Variants in DYNC1LI1 observed in about 807,000 individuals in gnomAD.
The protein encoded by DYNC1LI1 is cytoplasmic dynein 1 light intermediate chain 1.
DYNC1LI1 carries 19 observed loss-of-function variants against 63.8 expected under a neutral mutation model. The ratio of observed to expected loss-of-function variants is 0.30; its 90% CI spans 0.21 to 0.44. The LOEUF (loss-of-function observed/expected upper bound fraction) is 0.44. Among genes scored for constraint, DYNC1LI1 ranks in the 20% least tolerant of loss-of-function variants. DYNC1LI1 has a pLI of 1.00. For synonymous variants in DYNC1LI1, 225 were observed against 232.3 expected (o/e 0.97, Z 0.28); for missense variants, 565 against 630.2 (o/e 0.90, Z 1.11).
chr3:32,528,112 C>CAAAAAAAAAAAAAAAAAAAAA (rs60912161), intron 12 of DYNC1LI1, among the ~76,000 whole-genome samples: 2 of 29,896 alleles, frequency 6.7e-5, no homozygotes, highest in African/African-American at 8.8e-5. Flanking sequence ...GACTCCATCT[C>CAAAAAAAAAAAAAAAAAAAAA]AAAAAAAAAA....
At chr3:32,555,459 T>C (rs1396880032) in intron 2 of DYNC1LI1, among the ~76,000 whole-genome samples, 2 of 152,258 alleles carry the variant, frequency 1.3e-5, no homozygotes, top group African/African-American at 4.8e-5. Flanking sequence ...ATCTGAGGTA[T>C]CTGCAAAGAT....
At chr3:32,555,767 GAA>G (rs1365253818) in intron 2 of DYNC1LI1, among the ~76,000 whole-genome samples, 1 of 152,124 alleles carries the variant, frequency 6.6e-6, no homozygotes, top group Non-Finnish European at 1.5e-5. Flanking sequence ...GTATTTAGAG[GAA>G]AAGTGTACTG....
At chr3:32,548,321 G>A (rs2125439395) in intron 2 of DYNC1LI1, among the ~76,000 whole-genome samples, 1 of 152,228 alleles carries the variant, frequency 6.6e-6, no homozygotes, top group African/African-American at 2.4e-5. Flanking sequence ...GGGGATCAAG[G>A]CTGCATGCTC....
intron 12 of DYNC1LI1, among the ~76,000 whole-genome samples, chr3:32,527,627 G>A (rs747142261): frequency 2.0e-5 from 3 of 151,812 alleles, no homozygotes; most frequent in Non-Finnish European, 4.4e-5. Flanking sequence ...TGTTTAAACC[G>A]AGTTACTACA....
intron 8 of DYNC1LI1, chr3:32,531,475 C>T (rs1350280554): frequency 6.6e-6 from 1 of 152,220 alleles, no homozygotes; most frequent in Non-Finnish European, 1.5e-5. Flanking sequence ...TAGCACTTAT[C>T]ACTACTTGAC....
chr3:32,545,165 C>A, intron 3 of DYNC1LI1, 59 bp from the exon 4 acceptor site: 2 of 1,105,272 alleles, frequency 1.8e-6, no homozygotes, highest in Non-Finnish European at 2.7e-6. Flanking sequence ...CATCATCCAA[C>A]TAACAGTACC....
intron 6 of DYNC1LI1, 73 bp from the exon 7 acceptor site, chr3:32,534,719 C>A: frequency 8.0e-7 from 1 of 1,247,094 alleles, no homozygotes; most frequent in Non-Finnish European, 1.1e-6. Context: ...GTGTTTTCAG[C>A]TTAACTTTTA....
chr3:32,538,214 T>G (rs111589263), intron 5 of DYNC1LI1, among the ~76,000 whole-genome samples: 10,744 of 138,882 alleles, frequency 0.077, 455 homozygotes, highest in South Asian at 0.12. Context: ...CTGGGCAACA[T>G]AGCAAAACTC....
At chr3:32,554,778 T>C (rs1698089473) in intron 2 of DYNC1LI1, among the ~76,000 whole-genome samples, 1 of 152,142 alleles carries the variant, frequency 6.6e-6, no homozygotes, top group African/African-American at 2.4e-5. Flanking sequence ...AAACAAAATC[T>C]TTCTGGGAGC....
intron 4 of DYNC1LI1, among the ~76,000 whole-genome samples, chr3:32,543,844 C>T (rs1031056930): frequency 1.3e-5 from 2 of 151,328 alleles, no homozygotes; most frequent in East Asian, 2.0e-4. Context: ...CAAGGTGGAT[C>T]GCTTGAGCTC....
In DYNC1LI1 at chr3:32,534,499, G is replaced by C. The variant is rs777939301; in HGVS notation, c.968+12C>G. On this transcript the variant is annotated intron_variant, in intron 7 of 12. Transcript: ENST00000273130. ...ATACATGATAAAATTATATATTTAAGAGTACACTTACATAAATACTGCATC... is the reference window on the plus strand; with the variant it reads ...ATACATGATAAAATTATATATTTAACAGTACACTTACATAAATACTGCATC... 6.5e-7 allele frequency: 1 copy of C among 1,541,310 alleles called. No individual in the cohort carries two copies. Among genetic ancestry groups the C allele is most frequent in the Non-Finnish European group, 8.8e-7 (1 of 1,130,840 alleles).
intron 2 of DYNC1LI1, among the ~76,000 whole-genome samples, chr3:32,567,478 T>C (rs980705680): frequency 3.3e-5 from 5 of 152,086 alleles, no homozygotes; most frequent in Admixed American, 6.6e-5. Context: ...TATTCTAGGT[T>C]GTTTCTGAAA....
At chr3:32,530,189 G>T in intron 10 of DYNC1LI1, 95 bp downstream of exon 10, 1 of 991,014 alleles carries the variant, frequency 1.0e-6, no homozygotes, top group Non-Finnish European at 1.5e-6. Flanking sequence ...TTATATCAAA[G>T]CACACCCATA....
chr3:32,566,789 AAAGT>A, intron 2 of DYNC1LI1: 1 of 383,138 alleles, frequency 2.6e-6, no homozygotes, highest in South Asian at 2.0e-5. Flanking sequence ...AATTGTATTA[AAAGT>A]AATTAAATAT....
At chr3:32,553,587 G>A (rs1698072949) in intron 2 of DYNC1LI1, among the ~76,000 whole-genome samples, 1 of 152,198 alleles carries the variant, frequency 6.6e-6, no homozygotes, top group Non-Finnish European at 1.5e-5. Context: ...CTAGAATTAT[G>A]TCCCTTCGCC....
At chr3:32,558,216 G>C (rs1178249714) in intron 2 of DYNC1LI1, among the ~76,000 whole-genome samples, 1 of 151,916 alleles carries the variant, frequency 6.6e-6, no homozygotes, top group Non-Finnish European at 1.5e-5. Flanking sequence ...CTGGGCAACA[G>C]AGCAAGACCC....
chr3:32,541,990 A>C (rs1002374051), intron 4 of DYNC1LI1, among the ~76,000 whole-genome samples: 1 of 152,256 alleles, frequency 6.6e-6, no homozygotes, highest in African/African-American at 2.4e-5. Context: ...CACAACCATA[A>C]GATGTCAAGT....
intron 5 of DYNC1LI1, among the ~76,000 whole-genome samples, chr3:32,540,220 G>A (rs900315225): frequency 2.0e-5 from 3 of 152,086 alleles, no homozygotes; most frequent in African/African-American, 4.8e-5. Context: ...AATATATACA[G>A]TGAAATAACC....
chr3:32,543,490 C>G (rs958566236), intron 4 of DYNC1LI1, among the ~76,000 whole-genome samples: 3 of 150,204 alleles, frequency 2.0e-5, no homozygotes, highest in African/African-American at 7.4e-5. Context: ...ATCTCCGCCT[C>G]CTGGGTTCAA....
Sources: gnomAD v4.1 joint callset for allele counts (sites outside exome capture counted in the v4.1 genomes callset) on GRCh38, gnomAD v4.1.1 for gene constraint, MANE v1.5 for transcripts, NCBI Gene and HGNC (gene_info 2026-07-23, HGNC 2026-07-21) for gene names.